The following ATXN1 variants were observed in gnomAD, a reference collection of about 807,000 sequenced individuals.
ATXN1 encodes the protein ataxin 1.
ATXN1 carries 8 observed loss-of-function variants against 56.4 expected under a neutral mutation model. That is an observed-to-expected ratio of 0.14 (90% CI 0.08 to 0.26). The LOEUF is 0.26. Among genes scored for constraint, ATXN1 ranks in the 10% least tolerant of loss-of-function variants. ATXN1 has a pLI of 1.00. For synonymous variants in ATXN1, 514 were observed against 494.6 expected (o/e 1.04, Z -0.52); for missense variants, 987 against 1,106.5 (o/e 0.89, Z 1.53).
At chr6:16,552,628 TACTC>T (rs759926483) in intron 4 of ATXN1, among the ~76,000 whole-genome samples, 2 of 152,206 alleles carry the variant, frequency 1.3e-5, no homozygotes, top group Non-Finnish European at 2.9e-5. Flanking sequence ...TACTCAAAGA[TACTC>T]ACACTTTTCA....
chr6:16,659,992 A>G (rs988209156), intron 2 of ATXN1, among the ~76,000 whole-genome samples: 1 of 152,226 alleles, frequency 6.6e-6, no homozygotes, highest in East Asian at 1.9e-4. Context: ...ATTCTTACTT[A>G]TATCTGTAGA....
chr6:16,760,144 G>C lies in ATXN1; in HGVS notation c.-730+1154C>G, dbSNP rs982418078. ...TGGAACCACGTAGGAGGAGGCGGCGGCGCCCCCGGGAGTGGCAGAGTCTCC... is the reference window on the plus strand; with the variant it reads ...TGGAACCACGTAGGAGGAGGCGGCGCCGCCCCCGGGAGTGGCAGAGTCTCC... On this transcript the variant is annotated intron_variant, in intron 1 of 7. Coordinates refer to ENST00000436367, the MANE Select transcript of ATXN1 (RefSeq NM_001128164.2). This position sits in a 1 kb window ranked among gnomAD's most constrained non-coding sequence, Gnocchi z 5.3. 6.6e-6 allele frequency among the ~76,000 whole-genome samples: 1 copy of C among 151,924 alleles called. No individual in the cohort carries two copies. Among genetic ancestry groups the C allele is most frequent in the African/African-American group, 2.4e-5 (1 of 41,384 alleles).
chr6:16,342,713 G>A (rs1761280856), intron 6 of ATXN1, among the ~76,000 whole-genome samples: 1 of 152,218 alleles, frequency 6.6e-6, no homozygotes, highest in Admixed American at 6.5e-5. Context: ...ATGACATTCT[G>A]TTACATGCTA....
rs1758784457 is a variant in ATXN1 at position 16,410,953 on chromosome 6, C to T, written c.-161+75019G>A. Among the ~76,000 whole-genome samples, 1 of 151,896 alleles carries T rather than the reference C, an allele frequency of 6.6e-6. No homozygotes were observed. Among genetic ancestry groups the T allele is most frequent in the African/African-American group, 2.4e-5 (1 of 41,362 alleles). On this transcript the variant is annotated intron_variant, in intron 6 of 7. Coordinates refer to ENST00000436367, the MANE Select transcript of ATXN1 (RefSeq NM_001128164.2). The surrounding 1 kb of genome is among the most constrained non-coding windows in gnomAD (Gnocchi z 4.6). ...CATCCTGGCCAACATGCTGAAACCACGTCTCTACCAAAAATACAAAAATTA... is the reference window on the plus strand; with the variant it reads ...CATCCTGGCCAACATGCTGAAACCATGTCTCTACCAAAAATACAAAAATTA...
At chr6:16,356,994 C>T (rs1290442715) in intron 6 of ATXN1, among the ~76,000 whole-genome samples, 1 of 152,076 alleles carries the variant, frequency 6.6e-6, no homozygotes, top group Non-Finnish European at 1.5e-5. Context: ...GTAATATGTA[C>T]ACCACACCAC....
Position 16,507,762 on chromosome 6 carries a change from CAG to C in ATXN1, c.-299+14863_-299+14864del, listed in dbSNP as rs375666501. ...GCATGTTTATATAACAGCCACCTAA[CAG>C]AACTGTTTTTCCTTTTGTTTTTTAA... is the stretch of plus-strand genomic sequence containing the variant. On this transcript the variant is annotated intron_variant, in intron 5 of 7. Transcript: ENST00000436367. Among the ~76,000 whole-genome samples, 492 of 152,234 alleles carry C rather than the reference CAG, an allele frequency of 3.2e-3. 4 individuals are homozygous for C. Among genetic ancestry groups the C allele is most frequent in the African/African-American group, 0.011 (462 of 41,556 alleles).
chr6:16,321,780 C>T (rs1760658461), intron 7 of ATXN1, among the ~76,000 whole-genome samples: 1 of 152,156 alleles, frequency 6.6e-6, no homozygotes, highest in Admixed American at 6.5e-5. Flanking sequence ...TGCCGCTTAG[C>T]ATGAGGTCAG....
chr6:16,668,833 G>T (rs1758483204), intron 2 of ATXN1, among the ~76,000 whole-genome samples: 1 of 150,986 alleles, frequency 6.6e-6, no homozygotes, highest in African/African-American at 2.4e-5. Context: ...TTTTGAGATA[G>T]GGGTCTATGT....
Position 16,304,610 on chromosome 6 carries a change from G to A in ATXN1, c.*1719C>T, listed in dbSNP as rs1392985653. On this transcript the variant is annotated 3_prime_UTR_variant, in exon 8 of 8. Coordinates refer to ENST00000436367, the MANE Select transcript of ATXN1 (RefSeq NM_001128164.2). Reference sequence around the variant, plus strand: ...CGCTAAGACCTGGCTTTTTGTGACAGATGTGGTAAAAAGACCAAAATGAAT... The same window carrying A: ...CGCTAAGACCTGGCTTTTTGTGACAAATGTGGTAAAAAGACCAAAATGAAT... 2 of 152,578 alleles carry A rather than the reference G, an allele frequency of 1.3e-5. No individual in the cohort carries two copies. Among genetic ancestry groups the A allele is most frequent in the Admixed American group, 1.3e-4 (2 of 15,278 alleles). The allele number at this position is 152,578 out of a possible 1,614,324, so 9.5% of individuals were successfully genotyped here. A position where few individuals can be genotyped will look rare whatever the true frequency, so the allele number is the denominator to read the frequency against.
chr6:16,373,934 T>C (rs1264970474), intron 6 of ATXN1, among the ~76,000 whole-genome samples: 1 of 152,174 alleles, frequency 6.6e-6, no homozygotes, highest in Non-Finnish European at 1.5e-5. Context: ...CTGTAATGCT[T>C]TTCCTATTGC....
intron 2 of ATXN1, among the ~76,000 whole-genome samples, chr6:16,712,026 G>C (rs1335504083): frequency 6.6e-6 from 1 of 152,134 alleles, no homozygotes; most frequent in African/African-American, 2.4e-5. Context: ...CAATTACAGT[G>C]ACAGAAATCA....
chr6:16,527,614 C>A (rs1761420089), intron 4 of ATXN1, among the ~76,000 whole-genome samples: 1 of 152,122 alleles, frequency 6.6e-6, no homozygotes, highest in Non-Finnish European at 1.5e-5. Context: ...CCAGCCGATG[C>A]AATTTTTAAG....
intron 2 of ATXN1, among the ~76,000 whole-genome samples, chr6:16,716,017 A>G (rs979561503): frequency 3.0e-4 from 46 of 152,304 alleles, no homozygotes; most frequent in African/African-American, 1.0e-3. Context: ...GAGCTCAAAC[A>G]TCTCCAACCC....
At chr6:16,569,400 C>T (rs1365327563) in intron 4 of ATXN1, among the ~76,000 whole-genome samples, 1 of 151,872 alleles carries the variant, frequency 6.6e-6, no homozygotes, top group Admixed American at 6.6e-5. Flanking sequence ...GTGGTGTGAG[C>T]CTTGTAATCC....
intron 6 of ATXN1, among the ~76,000 whole-genome samples, chr6:16,420,117 G>A (rs1396523790): frequency 2.6e-5 from 4 of 152,234 alleles, no homozygotes; most frequent in East Asian, 1.9e-4. Context: ...AAAGTCACAC[G>A]TTAATGCAAA....
intron 3 of ATXN1, among the ~76,000 whole-genome samples, chr6:16,602,886 A>T (rs1296902053): frequency 6.6e-6 from 1 of 152,166 alleles, no homozygotes; most frequent in Non-Finnish European, 1.5e-5. Flanking sequence ...TTCCACTGTG[A>T]CCATGGACAG....
In ATXN1 at chr6:16,470,357, G is replaced by C. The variant is rs568333092; in HGVS notation, c.-161+15615C>G. 7.2e-5 allele frequency among the ~76,000 whole-genome samples: 11 copies of C among 152,260 alleles called. No individual in the cohort carries two copies. In the East Asian group the frequency reaches 2.1e-3, roughly 29 times the overall value. ...AGAGCATTAGTATTTTATGGGTCTA[G>C]ATTCAGTTTTGCCAGAAAAAAAGAG... is the stretch of plus-strand genomic sequence containing the variant. On this transcript the variant is annotated intron_variant, in intron 6 of 7. Transcript: ENST00000436367.
chr6:16,365,931 T>C (rs1761908271), intron 6 of ATXN1, among the ~76,000 whole-genome samples: 1 of 152,230 alleles, frequency 6.6e-6, no homozygotes, highest in African/African-American at 2.4e-5. Flanking sequence ...TATATATCTA[T>C]ATAGCCGTCT....
At chr6:16,372,385 T>C (rs951553235) in intron 6 of ATXN1, among the ~76,000 whole-genome samples, 4 of 152,098 alleles carry the variant, frequency 2.6e-5, no homozygotes, top group Non-Finnish European at 5.9e-5. Flanking sequence ...AGTACACAGG[T>C]AGAATTGGTG....
Sources: allele counts gnomAD v4.1 joint callset (sites outside exome capture counted in the v4.1 genomes callset), GRCh38; gene constraint gnomAD v4.1.1; non-coding constraint Gnocchi (gnomAD v3.1); transcripts MANE v1.5; gene names NCBI Gene and HGNC (gene_info 2026-07-23, HGNC 2026-07-21).